The following XRCC4 variants were observed in gnomAD, a reference collection of about 807,000 sequenced individuals.
XRCC4 encodes the protein X-ray repair cross complementing 4, also known as DNA repair protein XRCC4.
In XRCC4, 28 loss-of-function variants were observed where a neutral mutation model predicts 39.1. The ratio of observed to expected loss-of-function variants is 0.72; its 90% CI spans 0.53 to 0.98. The LOEUF is 0.98. Ranked by LOEUF, XRCC4 falls within the 50% of genes least tolerant of loss-of-function variation. XRCC4 has a pLI of 0.00. For synonymous variants in XRCC4, 123 were observed against 126.4 expected (o/e 0.97, Z 0.18); for missense variants, 350 against 376.4 (o/e 0.93, Z 0.58).
intron 3 of XRCC4, among the ~76,000 whole-genome samples, chr5:83,127,071 C>T (rs1747303402): frequency 6.6e-6 from 1 of 152,034 alleles, no homozygotes; most frequent in Non-Finnish European, 1.5e-5. Context: ...TCACCCATAT[C>T]TGATTTAGAT....
chr5:83,133,620 T>G (rs191886057), intron 3 of XRCC4, among the ~76,000 whole-genome samples: 4 of 152,294 alleles, frequency 2.6e-5, no homozygotes, highest in Non-Finnish European at 5.9e-5. Context: ...TGCTGCCCCC[T>G]TGCAGTTTGA....
At chr5:83,222,508 C>T (rs1752123512) in intron 6 of XRCC4, among the ~76,000 whole-genome samples, 1 of 152,020 alleles carries the variant, frequency 6.6e-6, no homozygotes, top group Non-Finnish European at 1.5e-5. Flanking sequence ...TGCATTATCC[C>T]TTTTTGTTCA....
At chr5:83,319,067 C>G (rs1233883405) in intron 7 of XRCC4, among the ~76,000 whole-genome samples, 1 of 72,804 alleles carries the variant, frequency 1.4e-5, no homozygotes, top group Non-Finnish European at 2.4e-5. Context: ...CTACAACTAT[C>G]TGATCTTTGA....
At chr5:83,078,499 G>C (rs542232231) in intron 1 of XRCC4, among the ~76,000 whole-genome samples, 1 of 152,294 alleles carries the variant, frequency 6.6e-6, no homozygotes, top group South Asian at 2.1e-4. Flanking sequence ...GGTAACTCAC[G>C]TGAGATTTTG....
chr5:83,347,423 A>G (rs1049293127), intron 7 of XRCC4, among the ~76,000 whole-genome samples: 3 of 152,142 alleles, frequency 2.0e-5, no homozygotes, highest in Admixed American at 1.3e-4. Flanking sequence ...GAAACTTACA[A>G]TCATGGTGGA....
chr5:83,096,957 A>G (rs1745705542), intron 1 of XRCC4, among the ~76,000 whole-genome samples: 1 of 152,172 alleles, frequency 6.6e-6, no homozygotes, highest in South Asian at 2.1e-4. Flanking sequence ...GCCCCTGGAT[A>G]TATTAGAACT....
chr5:83,146,035 T>C (rs1004150278), intron 3 of XRCC4, among the ~76,000 whole-genome samples: 1 of 152,200 alleles, frequency 6.6e-6, no homozygotes, highest in African/African-American at 2.4e-5. Flanking sequence ...AGTATGTTTA[T>C]ATTATTGAAC....
intron 7 of XRCC4, among the ~76,000 whole-genome samples, chr5:83,268,899 A>G (rs754159121): frequency 1.3e-5 from 2 of 152,170 alleles, no homozygotes; most frequent in Non-Finnish European, 2.9e-5. Context: ...ACAAAACCAA[A>G]TGGACCTATA....
chr5:83,327,537 T>A (rs1756303722), intron 7 of XRCC4, among the ~76,000 whole-genome samples: 1 of 152,068 alleles, frequency 6.6e-6, no homozygotes, highest in Non-Finnish European at 1.5e-5. Context: ...GGGGTGACAG[T>A]TATGTTAATT....
chr5:83,125,109 T>C (rs12153179), intron 3 of XRCC4, among the ~76,000 whole-genome samples: 74,259 of 151,798 alleles, frequency 0.49, 19,080 homozygotes, highest in African/African-American at 0.63. Flanking sequence ...TCTTTTCATA[T>C]GTTTATTTGC....
chr5:83,103,009 G>GATGTATATATATATATATATATAT (rs1746012276), intron 1 of XRCC4, among the ~76,000 whole-genome samples: 8 of 106,462 alleles, frequency 7.5e-5, no homozygotes, highest in African/African-American at 2.8e-4. Flanking sequence ...AGATAGAGCT[G>GATGTATATATATATATATATATAT]ATATATATAT....
At chr5:83,149,115 C>T (rs1487974124) in intron 3 of XRCC4, among the ~76,000 whole-genome samples, 1 of 152,078 alleles carries the variant, frequency 6.6e-6, no homozygotes, top group African/African-American at 2.4e-5. Context: ...GGTAATATGA[C>T]TATATTGATT....
intron 6 of XRCC4, among the ~76,000 whole-genome samples, chr5:83,240,811 G>A (rs561013119): frequency 3.3e-4 from 50 of 152,280 alleles, no homozygotes; most frequent in Middle Eastern, 6.8e-3. Context: ...TGAGGAAGAA[G>A]AAAGATTGTA....
intron 7 of XRCC4, among the ~76,000 whole-genome samples, chr5:83,289,371 C>T (rs1215671060): frequency 6.6e-6 from 1 of 151,814 alleles, no homozygotes; most frequent in Non-Finnish European, 1.5e-5. Context: ...GTGATAGGAA[C>T]TGAAGAGAAT....
At chr5:83,107,818 T>C (rs1746269716) in intron 2 of XRCC4, among the ~76,000 whole-genome samples, 1 of 151,860 alleles carries the variant, frequency 6.6e-6, no homozygotes, top group African/African-American at 2.4e-5. Flanking sequence ...TATATGGAAA[T>C]AGTGACAGAA....
intron 1 of XRCC4, among the ~76,000 whole-genome samples, chr5:83,092,267 C>T (rs915713467): frequency 2.6e-5 from 4 of 152,106 alleles, no homozygotes; most frequent in Non-Finnish European, 2.9e-5. Context: ...AGCCCTTTAC[C>T]AAATATATGG....
At chr5:83,357,655 C>T (rs570118814), downstream of XRCC4, among the ~76,000 whole-genome samples, 6 of 152,222 alleles carry the variant, frequency 3.9e-5, no homozygotes, top group South Asian at 1.0e-3. Context: ...GAACAGTGAG[C>T]GACGTTATGT....
intron 7 of XRCC4, among the ~76,000 whole-genome samples, chr5:83,279,022 GAT>G (rs1454744927): frequency 7.4e-6 from 1 of 134,574 alleles, no homozygotes; most frequent in African/African-American, 2.8e-5. Flanking sequence ...AAAAAAAAAA[GAT>G]ATATATATTT....
intron 3 of XRCC4, among the ~76,000 whole-genome samples, chr5:83,116,902 A>T (rs1377751729): frequency 6.6e-6 from 1 of 152,076 alleles, no homozygotes; most frequent in East Asian, 1.9e-4. Context: ...GATTATAGGC[A>T]TGAGTCACTG....
Sources: allele counts gnomAD v4.1 joint callset (sites outside exome capture counted in the v4.1 genomes callset), GRCh38; gene constraint gnomAD v4.1.1; transcripts MANE v1.5; gene names NCBI Gene and HGNC (gene_info 2026-07-23, HGNC 2026-07-21).